FGF10: variants seen among roughly 807,000 people sequenced by gnomAD.
The protein encoded by FGF10 is FGF-10.
FGF10 carries 2 observed loss-of-function variants against 19.8 expected under a neutral mutation model. The ratio of observed to expected loss-of-function variants is 0.10; its 90% confidence interval spans 0.04 to 0.32. The LOEUF (loss-of-function observed/expected upper bound fraction) is 0.32, where lower values mean the gene tolerates loss of function less well. FGF10 is among the 10% of genes least tolerant of loss of function. The probability of loss-of-function intolerance (pLI) is 1.00; values close to 1 mark genes in which losing one functional copy is unlikely to be tolerated. For synonymous variants in FGF10, 112 were observed against 94.0 expected (o/e 1.19, Z -1.10); for missense variants, 191 against 246.3 (o/e 0.78, Z 1.50).
Position 44,388,630 on chromosome 5 carries a change from C to T in FGF10, c.53G>A (p.Gly18Asp). 2 of 1,613,916 alleles carry T rather than the reference C, an allele frequency of 1.2e-6. No homozygotes were observed. Among genetic ancestry groups the T allele is most frequent in the South Asian group, 1.1e-5 (1 of 91,062 alleles). Reference protein sequence around the residue: ...HCASAFPHLPGCCCCCFLLLF... With the variant: ...HCASAFPHLPDCCCCCFLLLF... ...CAACAAAAAGCAGCAGCAGCAGCAG[C>T]CGGGCAGGTGGGGAAAGGCTGAGGC... Residue 18 changes from glycine to aspartate, a missense_variant, in exon 1 of 3, where the codon GGC becomes GAC. Gly to Asp is a moderately conservative substitution (Grantham distance 94). Around this residue, in one of 2 missense-constraint regions of FGF10, gnomAD observed 92 missense variants for 84.6 expected, o/e 1.09. Coordinates refer to ENST00000264664, the MANE Select transcript of FGF10 (RefSeq NM_004465.2).
intron 1 of FGF10, among the ~76,000 whole-genome samples, chr5:44,330,022 T>A (rs1205855652): frequency 6.6e-6 from 1 of 152,212 alleles, no homozygotes; most frequent in Non-Finnish European, 1.5e-5. Context: ...TGTCCTTTTA[T>A]ATTTATGAGC....
intron 2 of FGF10, among the ~76,000 whole-genome samples, chr5:44,307,052 G>A (rs1740093052): frequency 6.6e-6 from 1 of 152,142 alleles, no homozygotes; most frequent in South Asian, 2.1e-4. Context: ...GACTGAGATT[G>A]TTTGAGGTGA....
chr5:44,376,321 G>A (rs1202209422), intron 1 of FGF10, among the ~76,000 whole-genome samples: 1 of 151,746 alleles, frequency 6.6e-6, no homozygotes, highest in Non-Finnish European at 1.5e-5. Flanking sequence ...AGAGCTCATA[G>A]TGTCAGTAGG....
intron 1 of FGF10, among the ~76,000 whole-genome samples, chr5:44,383,029 T>A (rs1302711092): frequency 6.6e-6 from 1 of 152,084 alleles, no homozygotes. Flanking sequence ...TAAAGAAATA[T>A]CATTTGCACT....
intron 1 of FGF10, among the ~76,000 whole-genome samples, chr5:44,320,909 C>G (rs542630452): frequency 6.6e-6 from 1 of 152,028 alleles, no homozygotes; most frequent in East Asian, 1.9e-4. Flanking sequence ...TGGGGTTTCA[C>G]CATGTTGCTC....
At chr5:44,387,933 C>T (rs984042351) in intron 1 of FGF10, among the ~76,000 whole-genome samples, 1 of 152,088 alleles carries the variant, frequency 6.6e-6, no homozygotes, top group Non-Finnish European at 1.5e-5. Context: ...TGTCCCAAAA[C>T]TCTTAACAAG....
chr5:44,376,518 C>CAAAAAAAAAAAAAAAAAAAAAAAAAAA (rs1265124775), intron 1 of FGF10, among the ~76,000 whole-genome samples: 1 of 72,692 alleles, frequency 1.4e-5, no homozygotes, highest in Non-Finnish European at 2.7e-5. Flanking sequence ...AAAAAAAAAA[C>CAAAAAAAAAAAAAAAAAAAAAAAAAAA]AAAAAACCCA....
chr5:44,375,766 A>G (rs1741839544), intron 1 of FGF10, among the ~76,000 whole-genome samples: 2 of 152,102 alleles, frequency 1.3e-5, no homozygotes, highest in Admixed American at 6.5e-5. Flanking sequence ...TGCCAGAACA[A>G]GAGACATTTA....
At chr5:44,327,483 A>G (rs903824117) in intron 1 of FGF10, among the ~76,000 whole-genome samples, 1 of 152,180 alleles carries the variant, frequency 6.6e-6, no homozygotes, top group African/African-American at 2.4e-5. Context: ...TCCCTTAACC[A>G]CAAAGTCCAA....
intron 1 of FGF10, among the ~76,000 whole-genome samples, chr5:44,378,084 T>G (rs1184637878): frequency 2.6e-5 from 4 of 152,100 alleles, no homozygotes; most frequent in Non-Finnish European, 5.9e-5. Context: ...AAATCATGTG[T>G]TGGGGGTAAC....
chr5:44,351,799 A>G (rs1440335740), intron 1 of FGF10, among the ~76,000 whole-genome samples: 2 of 151,726 alleles, frequency 1.3e-5, no homozygotes, highest in African/African-American at 4.8e-5. Context: ...GATTCAGTGT[A>G]ATAATTTTTG....
intron 1 of FGF10, among the ~76,000 whole-genome samples, chr5:44,316,173 C>G (rs908327189): frequency 6.6e-6 from 1 of 152,096 alleles, no homozygotes; most frequent in African/African-American, 2.4e-5. Flanking sequence ...ATATGAGAAT[C>G]TAACTAATAC....
intron 1 of FGF10, among the ~76,000 whole-genome samples, chr5:44,341,321 A>T (rs1466869993): frequency 6.6e-6 from 1 of 151,916 alleles, no homozygotes; most frequent in African/African-American, 2.4e-5. Context: ...ACTTGTAGGG[A>T]ATACTTAGGA....
chr5:44,321,442 C>T (rs1426332658), intron 1 of FGF10, among the ~76,000 whole-genome samples: 4 of 152,188 alleles, frequency 2.6e-5, no homozygotes, highest in African/African-American at 9.6e-5. Flanking sequence ...AACACCACAG[C>T]TGCATAAACA....
At chr5:44,372,784 T>C (rs1275965361) in intron 1 of FGF10, among the ~76,000 whole-genome samples, 1 of 152,156 alleles carries the variant, frequency 6.6e-6, no homozygotes, top group Non-Finnish European at 1.5e-5. Context: ...GAGAAAAATG[T>C]AAAGAAGAAA....
chr5:44,319,461 G>C (rs962640341), intron 1 of FGF10, among the ~76,000 whole-genome samples: 1 of 152,084 alleles, frequency 6.6e-6, no homozygotes, highest in Non-Finnish European at 1.5e-5. Flanking sequence ...TGGGTTTCCT[G>C]TAAGAAAAAG....
At chr5:44,388,317 G>C in intron 1 of FGF10, 41 bp downstream of exon 1, 1 of 1,580,414 alleles carries the variant, frequency 6.3e-7, no homozygotes, top group Non-Finnish European at 8.7e-7. Context: ...TGGGCTGGGG[G>C]TGGATAATTG....
chr5:44,356,330 T>C (rs1741346840), intron 1 of FGF10, among the ~76,000 whole-genome samples: 1 of 151,422 alleles, frequency 6.6e-6, no homozygotes, highest in Non-Finnish European at 1.5e-5. Context: ...TAAACCTAAA[T>C]TCAACTTATC....
intron 1 of FGF10, among the ~76,000 whole-genome samples, chr5:44,364,330 A>G (rs1160974037): frequency 6.6e-6 from 1 of 151,848 alleles, no homozygotes; most frequent in Non-Finnish European, 1.5e-5. Context: ...TAACAGGAAG[A>G]TGCACATCTT....
Sources: allele counts gnomAD v4.1 joint callset (sites outside exome capture counted in the v4.1 genomes callset), GRCh38; gene constraint gnomAD v4.1.1; regional missense constraint gnomAD v4.1.1; transcripts MANE v1.5; gene names NCBI Gene and HGNC (gene_info 2026-07-23, HGNC 2026-07-21).